Variants in RANGAP1 observed in about 807,000 individuals in gnomAD.
RANGAP1 encodes ran GTPase-activating protein 1.
Under a neutral mutation model 63.5 loss-of-function variants are expected in RANGAP1, and 38 were observed. The observed-to-expected ratio is 0.60, with a 90% CI of 0.46 to 0.78. The LOEUF (loss-of-function observed/expected upper bound fraction) is 0.78. Among genes scored for constraint, RANGAP1 ranks in the 30% least tolerant of loss-of-function variants. The pLI, the probability that RANGAP1 is intolerant of heterozygous loss-of-function variation, is 0.00. For missense variants in RANGAP1, 630 were observed against 740.3 expected (o/e 0.85, Z 1.73); for synonymous variants, 329 against 310.5 (o/e 1.06, Z -0.63).
the RANGAP1 span, among the ~76,000 whole-genome samples, chr22:41,300,612 C>T: frequency 6.6e-6 from 1 of 150,764 alleles, no homozygotes; most frequent in African/African-American, 2.4e-5. Context: ...GCTGGGATTA[C>T]AGGCACCCAC....
the RANGAP1 span, among the ~76,000 whole-genome samples, chr22:41,300,479 C>T: frequency 7.3e-4 from 21 of 28,634 alleles, no homozygotes; most frequent in Non-Finnish European, 1.2e-3. Context: ...CACACACACA[C>T]ATATATTTCT....
the RANGAP1 span, among the ~76,000 whole-genome samples, chr22:41,294,873 AG>A: frequency 1.3e-5 from 1 of 74,332 alleles, no homozygotes; most frequent in Admixed American, 1.4e-4. Flanking sequence ...CTCGTCCGGG[AG>A]GGAGGTGGGG....
At chr22:41,292,793 A>AT in the RANGAP1 span, among the ~76,000 whole-genome samples, 4,237 of 150,480 alleles carry the variant, frequency 0.028, 115 homozygotes, top group South Asian at 0.099. Context: ...AATGGAAACA[A>AT]TTTTTTTTTT....
At chr22:41,282,982 C>T (rs1360995612) in intron 1 of RANGAP1, among the ~76,000 whole-genome samples, 3 of 152,104 alleles carry the variant, frequency 2.0e-5, no homozygotes, top group Non-Finnish European at 2.9e-5. Flanking sequence ...TCCTCCCACC[C>T]CTAGGCTTCC....
At position 41,245,127 on chromosome 22, in the gene RANGAP1, G is replaced by A. The variant is rs549015382; in HGVS notation, c.*1476C>T. Among the ~76,000 whole-genome samples, 5 of 152,220 alleles carry A rather than the reference G, an allele frequency of 3.3e-5. No homozygotes were observed. The highest frequency in any genetic ancestry group is 4.8e-5 in the African/African-American group (2 of 41,456). On this transcript the variant is annotated 3_prime_UTR_variant, in exon 16 of 16. Transcript: ENST00000356244. Reference sequence around the variant, plus strand: ...CGTATCAACTCACACAGAAGACAGGGGACAGGGCCAGCAGTATCCTCTGCC... The same window carrying A: ...CGTATCAACTCACACAGAAGACAGGAGACAGGGCCAGCAGTATCCTCTGCC...
At chr22:41,274,435 C>G (rs1028868724) in intron 3 of RANGAP1, among the ~76,000 whole-genome samples, 165 bp downstream of exon 3, 1 of 152,236 alleles carries the variant, frequency 6.6e-6, no homozygotes, top group Non-Finnish European at 1.5e-5. Context: ...GAGAGGGTCC[C>G]TAGCCAATGC....
upstream of RANGAP1, among the ~76,000 whole-genome samples, chr22:41,289,416 AT>A (rs1401437988): frequency 1.3e-5 from 2 of 151,666 alleles, no homozygotes; most frequent in African/African-American, 4.8e-5. Context: ...GACGTCAGGA[AT>A]TCGAGACCAG....
chr22:41,294,104 C>G, the RANGAP1 span, among the ~76,000 whole-genome samples: 5 of 152,140 alleles, frequency 3.3e-5, no homozygotes, highest in African/African-American at 9.7e-5. Context: ...GATGCCGAGC[C>G]GAAGCTGGAC....
chr22:41,279,209 G>A (rs1234979057), intron 2 of RANGAP1, among the ~76,000 whole-genome samples: 3 of 151,882 alleles, frequency 2.0e-5, no homozygotes, highest in South Asian at 2.1e-4. Context: ...AGTGGCTCAC[G>A]CCTGTTATCC....
intron 4 of RANGAP1, among the ~76,000 whole-genome samples, chr22:41,266,066 G>T (rs1172195722): frequency 3.9e-5 from 6 of 152,176 alleles, no homozygotes; most frequent in African/African-American, 1.4e-4. Flanking sequence ...GCCGGGCATG[G>T]TGGCGGGCGC....
chr22:41,253,169 G>A, intron 11 of RANGAP1, 178 bp from the exon 12 acceptor site: 1 of 651,352 alleles, frequency 1.5e-6, no homozygotes, highest in Non-Finnish European at 2.1e-6. Flanking sequence ...ACCCAGAGAT[G>A]CTGGCCCTGG....
At chr22:41,288,288 G>A (rs1037415162), upstream of RANGAP1, among the ~76,000 whole-genome samples, 1 of 152,152 alleles carries the variant, frequency 6.6e-6, no homozygotes. Flanking sequence ...CACAGCAGTT[G>A]GCCTGGGACT....
intron 1 of RANGAP1, 69 bp from the exon 2 acceptor site, chr22:41,281,151 C>T (rs1471670133): frequency 7.1e-7 from 1 of 1,408,358 alleles, no homozygotes; most frequent in African/African-American, 1.4e-5. Context: ...CAGGGTAGGA[C>T]ATCAGCCATC....
upstream of RANGAP1, among the ~76,000 whole-genome samples, chr22:41,287,541 C>G (rs1329545862): frequency 6.6e-6 from 1 of 151,656 alleles, no homozygotes; most frequent in African/African-American, 2.4e-5. Context: ...TGGTGCAAGC[C>G]TGTAGTCTCA....
At chr22:41,255,770 A>G (rs866053416) in intron 10 of RANGAP1, among the ~76,000 whole-genome samples, 2 of 151,914 alleles carry the variant, frequency 1.3e-5, no homozygotes, top group Admixed American at 1.3e-4. Context: ...AGTGCACCCA[A>G]CGTTTCTGAA....
At chr22:41,264,865 G>C in intron 4 of RANGAP1, 22 bp from the exon 5 acceptor site, 1 of 1,583,814 alleles carries the variant, frequency 6.3e-7, no homozygotes, top group Non-Finnish European at 8.6e-7. Flanking sequence ...GGAAGCTCGT[G>C]TCAGTTTCAT....
Position 41,286,051 on chromosome 22 carries a change from C to A in RANGAP1, c.-104G>T, listed in dbSNP as rs933670758. 6.6e-6 allele frequency: 1 copy of A among 152,300 alleles called. No individual in the cohort carries two copies. Among genetic ancestry groups the A allele is most frequent in the Non-Finnish European group, 1.5e-5 (1 of 68,150 alleles). The allele number at this position is 152,300 out of a possible 1,614,324, so 9.4% of individuals were successfully genotyped here. A position where few individuals can be genotyped will look rare whatever the true frequency, so the allele number is the denominator to read the frequency against. ...GCGCCTCCGCCCTCTGGGGCGGGGA[C>A]GGATTTAGGGTCCGGGTCAGGCCGG... On this transcript the variant is annotated 5_prime_UTR_variant, in exon 1 of 16. Transcript: ENST00000356244.
rs760199928 is a variant in RANGAP1 at position 41,249,698 on chromosome 22, C to T, written c.1572+31G>A. 35 of 1,592,450 alleles carry T rather than the reference C, an allele frequency of 2.2e-5. No homozygotes were observed. In the East Asian group the frequency reaches 6.7e-4, roughly 30 times the overall value. On this transcript the variant is annotated intron_variant, in intron 14 of 15. Coordinates refer to ENST00000356244, the MANE Select transcript of RANGAP1 (RefSeq NM_002883.4). ...TTCTGTGCAGACCCCACCCACCTCC[C>T]TCCCGGGCCTGCTGTTCCTTCCGGC...
At chr22:41,264,891 G>A (rs371105152) in intron 4 of RANGAP1, 48 bp from the exon 5 acceptor site, 31 of 1,544,640 alleles carry the variant, frequency 2.0e-5, no homozygotes, top group Non-Finnish European at 2.4e-5. Flanking sequence ...CCCAGCTTCT[G>A]TGCTGGGTGC....
Sources: gnomAD v4.1 joint callset for allele counts (sites outside exome capture counted in the v4.1 genomes callset) on GRCh38, gnomAD v4.1.1 for gene constraint, MANE v1.5 for transcripts, NCBI Gene and HGNC (gene_info 2026-07-23, HGNC 2026-07-21) for gene names.